The following TNS1 variants were observed in gnomAD, a reference collection of about 807,000 sequenced individuals.
TNS1 encodes the protein tensin 1, also known as tensin-1.
In TNS1, 62 loss-of-function variants were observed where a neutral mutation model predicts 168.6. That is an observed-to-expected ratio of 0.37 (90% CI 0.30 to 0.45). The LOEUF is 0.45. TNS1 is among the 20% of genes least tolerant of loss of function. The pLI, the probability that TNS1 is intolerant of heterozygous loss-of-function variation, is 1.00. For missense variants in TNS1, 2,240 were observed against 2,339.4 expected (o/e 0.96, Z 0.88); for synonymous variants, 934 against 933.2 (o/e 1.00, Z -0.02).
chr2:218,001,550 T>A (rs1958563539), intron 1 of TNS1, among the ~76,000 whole-genome samples: 1 of 152,092 alleles, frequency 6.6e-6, no homozygotes, highest in Non-Finnish European at 1.5e-5. Context: ...CCTGCCTACC[T>A]CTGTCCTCAG....
In TNS1 at chr2:217,847,566, C is replaced by T. The variant is rs754558568; in HGVS notation, c.2951G>A (p.Arg984Gln). 8.7e-6 allele frequency: 13 copies of T among 1,496,302 alleles called. No individual in the cohort carries two copies. The highest frequency in any genetic ancestry group is 2.9e-5 in the South Asian group (2 of 70,010). 92.7% of individuals were successfully genotyped at this position (1,496,302 alleles called of 1,614,324 possible). ...SPKEATSDPS[R>Q]TPEEEPLNLE... ...ATTCAATGGCTCCTCCTCTGGAGTC[C>T]GGGAGGGGTCTGAAGTCGCTTCCTT... The change falls in exon 19 of 33, where the codon CGG becomes CAG. Residue 984 changes from arginine to glutamine, a missense_variant. By Grantham distance (43) the Arg-to-Gln change is conservative. Transcript: ENST00000682258.
chr2:217,830,225 T>G (rs1944216974), intron 22 of TNS1: 1 of 1,112,078 alleles, frequency 9.0e-7, no homozygotes, highest in Non-Finnish European at 1.3e-6. Context: ...AGGAGTGTGC[T>G]GGCTGGTGAG....
At chr2:217,936,445 G>A (rs1956612347) in intron 3 of TNS1, among the ~76,000 whole-genome samples, 3 of 152,234 alleles carry the variant, frequency 2.0e-5, no homozygotes, top group African/African-American at 7.2e-5. Flanking sequence ...CCCAATCCAG[G>A]AGGGGAGGAT....
chr2:217,997,149 T>C (rs1159667380), intron 1 of TNS1, among the ~76,000 whole-genome samples: 1 of 152,116 alleles, frequency 6.6e-6, no homozygotes, highest in African/African-American at 2.4e-5. Context: ...CCTGGACCCC[T>C]GTCAGAATCC....
chr2:217,994,127 G>A (rs1263186938), intron 1 of TNS1, among the ~76,000 whole-genome samples: 1 of 152,008 alleles, frequency 6.6e-6, no homozygotes, highest in Non-Finnish European at 1.5e-5. Context: ...TAGGTTCTAG[G>A]AGCTTTGGCT....
chr2:217,804,326 C>G lies in TNS1; in HGVS notation c.*133G>C, dbSNP rs1574512973. On this transcript the variant is annotated 3_prime_UTR_variant, in exon 33 of 33. Coordinates refer to ENST00000682258, the MANE Select transcript of TNS1 (RefSeq NM_001387777.1). ...CCTCTGCAATTCACTTCCCTCTCCCCACGTTGCACTTTCTTCTCTCCTCCG... is the reference window on the plus strand; with the variant it reads ...CCTCTGCAATTCACTTCCCTCTCCCGACGTTGCACTTTCTTCTCTCCTCCG... 9.6e-7 allele frequency: 1 copy of G among 1,046,606 alleles called. No homozygotes were observed. The highest frequency in any genetic ancestry group is 1.4e-6 in the Non-Finnish European group (1 of 708,038). The allele number at this position is 1,046,606 out of a possible 1,614,324, so 64.8% of individuals were successfully genotyped here.
At chr2:217,988,758 C>G (rs562748417) in intron 2 of TNS1, among the ~76,000 whole-genome samples, 5 of 152,274 alleles carry the variant, frequency 3.3e-5, no homozygotes, top group African/African-American at 7.2e-5. Flanking sequence ...TTTCCCTCCC[C>G]CTGAGAGCCC....
intron 32 of TNS1, 68 bp from the exon 33 acceptor site, chr2:217,804,671 C>G: frequency 6.3e-7 from 1 of 1,592,560 alleles, no homozygotes; most frequent in Admixed American, 1.7e-5. Context: ...GGACAGCAGC[C>G]CAGGTGAGCA....
Position 217,818,745 on chromosome 2 carries a change from C to T in TNS1, c.3587G>A (p.Ser1196Asn), listed in dbSNP as rs943078552. 7 of 1,610,976 alleles carry T rather than the reference C, an allele frequency of 4.3e-6. No homozygotes were observed. The highest frequency in any genetic ancestry group is 4.2e-6 in the Non-Finnish European group (5 of 1,178,680). Residue 1196 changes from serine (S) to asparagine (N), a missense_variant, in exon 24 of 33, where the codon AGT (serine) becomes AAT (asparagine). Ser to Asn is a conservative substitution (Grantham distance 46, BLOSUM62 1). This residue lies in a region of TNS1 where 2,131 missense variants were observed against 2,171.2 expected (regional missense o/e 0.98). Transcript: ENST00000682258. ...GTCACTGCTCTCTCCCGACGGGAAA[C>T]TCCCCACTGAAGTGCTGCAGAGAGA... Reference protein sequence around the residue: ...ILSADSTSVGSFPSGESSDQG... With the variant: ...ILSADSTSVGNFPSGESSDQG...
chr2:218,002,146 G>A (rs1275447495), intron 1 of TNS1, among the ~76,000 whole-genome samples: 4 of 152,032 alleles, frequency 2.6e-5, no homozygotes, highest in Non-Finnish European at 2.9e-5. Context: ...CCTTCACCAC[G>A]TGGCCCCCAG....
chr2:217,847,476 G>T, intron 19 of TNS1, 34 bp downstream of exon 19: 2 of 1,379,958 alleles, frequency 1.4e-6, no homozygotes, highest in South Asian at 2.5e-5. Context: ...AAATAAGGAA[G>T]GGGTAGAAGG....
intron 6 of TNS1, chr2:217,905,284 ACTCATGCATAC>A (rs1953525414): frequency 1.7e-5 from 6 of 357,032 alleles, no homozygotes; most frequent in South Asian, 1.2e-4. Context: ...GCCCAGGGGA[ACTCATGCATAC>A]CTTGAGCAGA....
At chr2:218,014,870 C>CGGAAGGAA (rs56964991), upstream of TNS1, among the ~76,000 whole-genome samples, 9,764 of 96,418 alleles carry the variant, frequency 0.1, 501 homozygotes, top group Non-Finnish European at 0.12. Flanking sequence ...GAAGGAAGGA[C>CGGAAGGAA]GGAAGGAAGG....
chr2:217,914,352 A>G (rs1248021699), intron 4 of TNS1, among the ~76,000 whole-genome samples: 4 of 152,110 alleles, frequency 2.6e-5, no homozygotes, highest in African/African-American at 9.7e-5. Flanking sequence ...GGATGCCTGG[A>G]CCTCTGTGGA....
At chr2:217,977,553 A>G (rs1412397460) in intron 3 of TNS1, among the ~76,000 whole-genome samples, 5 of 152,252 alleles carry the variant, frequency 3.3e-5, no homozygotes, top group Non-Finnish European at 7.3e-5. Flanking sequence ...AGCTCCCAGT[A>G]GCTGAGCATC....
intron 2 of TNS1, 23 bp from the exon 3 acceptor site, chr2:217,978,825 A>G (rs1957960220): frequency 1.4e-6 from 1 of 701,778 alleles, no homozygotes; most frequent in Admixed American, 2.0e-5. Flanking sequence ...GAGACACAGA[A>G]AGAAAGTTTT....
intron 8 of TNS1, among the ~76,000 whole-genome samples, chr2:217,895,366 TG>T (rs1328302973): frequency 6.6e-6 from 1 of 152,122 alleles, no homozygotes; most frequent in African/African-American, 2.4e-5. Flanking sequence ...GGAACTCAAC[TG>T]TAGGTCCTCA....
chr2:217,826,068 C>T (rs564847981), intron 22 of TNS1, among the ~76,000 whole-genome samples: 4 of 152,270 alleles, frequency 2.6e-5, no homozygotes, highest in Admixed American at 2.6e-4. Flanking sequence ...CGGGCCCCCA[C>T]CTCCTTTCTC....
intron 3 of TNS1, among the ~76,000 whole-genome samples, chr2:217,938,993 T>C (rs1461879528): frequency 6.6e-6 from 1 of 152,080 alleles, no homozygotes. Context: ...CTCTTCATCT[T>C]AGAGATGGAA....
Sources: allele counts gnomAD v4.1 joint callset (sites outside exome capture counted in the v4.1 genomes callset), GRCh38; gene constraint gnomAD v4.1.1; regional missense constraint gnomAD v4.1.1; transcripts MANE v1.5; gene names NCBI Gene and HGNC (gene_info 2026-07-23, HGNC 2026-07-21).